FMN1: variants seen among roughly 807,000 people sequenced by gnomAD.
The protein encoded by FMN1 is formin-1.
A neutral mutation model predicts 132.4 loss-of-function variants in FMN1; 110 were observed. That is an observed-to-expected ratio of 0.83 (90% confidence interval 0.71 to 0.97). The LOEUF (loss-of-function observed/expected upper bound fraction) is 0.97, where lower values mean the gene tolerates loss of function less well. FMN1 is among the 50% of genes least tolerant of loss of function. The pLI is 0.00. For synonymous variants in FMN1, 722 were observed against 651.7 expected, an observed-to-expected ratio of 1.11 and a Z score of -1.64; for missense variants, 1,792 against 1,705.3, an observed-to-expected ratio of 1.05 and a Z score of -0.90.
chr15:32,904,479 G>A (rs1388147089), intron 12 of FMN1, among the ~76,000 whole-genome samples: 2 of 152,206 alleles, frequency 1.3e-5, no homozygotes, highest in African/African-American at 2.4e-5. Context: ...TTGGATGGGA[G>A]AGGAAATTTG....
intron 7 of FMN1, among the ~76,000 whole-genome samples, chr15:32,990,982 C>T (rs1184191993): frequency 1.3e-5 from 2 of 152,106 alleles, no homozygotes; most frequent in Non-Finnish European, 2.9e-5. Context: ...AACTGCAATT[C>T]GAGATTTGGG....
chr15:32,820,540 C>G (rs1443624032), intron 17 of FMN1, among the ~76,000 whole-genome samples: 4 of 152,136 alleles, frequency 2.6e-5, no homozygotes, highest in African/African-American at 9.7e-5. Flanking sequence ...TAGTTATCTT[C>G]TACAACTCAA....
rs527283764 is a variant in FMN1 at position 33,152,432 on chromosome 15, TA to T, written c.1867+615del. Among the ~76,000 whole-genome samples, 49 of 152,202 alleles carry T rather than the reference TA, an allele frequency of 3.2e-4. 1 individual carries two copies. In the South Asian group the frequency reaches 9.3e-3, roughly 29 times the overall value. The stretch of plus-strand genomic sequence containing the variant: ...GCTTATTTGGGAAATTTAAAAACTG[TA>T]AAAAAAGAAAACTTTGAACCAAGTT... On this transcript the variant is annotated intron_variant, in intron 4 of 20. Coordinates refer to ENST00000616417, the MANE Select transcript of FMN1 (RefSeq NM_001277313.2).
At chr15:33,170,412 T>C (rs1180813347) in intron 3 of FMN1, among the ~76,000 whole-genome samples, 9 of 152,050 alleles carry the variant, frequency 5.9e-5, no homozygotes, top group Non-Finnish European at 2.9e-5. Flanking sequence ...AATAGACAAA[T>C]GGGACTATGT....
At chr15:32,870,908 A>AT (rs1404907924) in intron 16 of FMN1, among the ~76,000 whole-genome samples, 1 of 152,248 alleles carries the variant, frequency 6.6e-6, no homozygotes. Flanking sequence ...TGAAAAAGAA[A>AT]ACATTGTCAA....
intron 9 of FMN1, among the ~76,000 whole-genome samples, chr15:32,941,274 TA>T (rs1351953984): frequency 2.6e-5 from 4 of 152,214 alleles, no homozygotes; most frequent in African/African-American, 9.7e-5. Context: ...AGAGTGTAAG[TA>T]TTTGTAAGAT....
chr15:32,941,096 A>G (rs969638497), intron 9 of FMN1, among the ~76,000 whole-genome samples: 1 of 152,196 alleles, frequency 6.6e-6, no homozygotes, highest in African/African-American at 2.4e-5. Flanking sequence ...AAGCTGCAGG[A>G]ACCAATAATA....
intron 6 of FMN1, among the ~76,000 whole-genome samples, chr15:33,040,481 CTAG>C (rs1442474122): frequency 6.6e-6 from 1 of 152,140 alleles, no homozygotes; most frequent in Non-Finnish European, 1.5e-5. Context: ...TTAGCAGAAC[CTAG>C]TAGATGCTTA....
At position 32,982,382 on chromosome 15, in the gene FMN1, C is replaced by T. The variant is rs373538686; in HGVS notation, c.2224-12905G>A. ...CATTTCTTATAAAGTTAAACACACA[C>T]TTTCCATATCAACTATCGATCCCAC... On this transcript the variant is annotated intron_variant, in intron 7 of 20. Transcript: ENST00000616417. Among the ~76,000 whole-genome samples the T allele has an allele frequency of 2.1e-3, 314 of 152,298 alleles. 1 individual carries two copies. Among genetic ancestry groups the T allele is most frequent in the African/African-American group, 7.3e-3 (304 of 41,558 alleles).
intron 7 of FMN1, among the ~76,000 whole-genome samples, chr15:32,994,942 A>G (rs2033674885): frequency 6.6e-6 from 1 of 152,158 alleles, no homozygotes; most frequent in Non-Finnish European, 1.5e-5. Flanking sequence ...ATGTGTTTAA[A>G]GCAAAAACTC....
intron 5 of FMN1, among the ~76,000 whole-genome samples, chr15:33,065,786 A>G (rs906011878): frequency 6.6e-6 from 1 of 152,212 alleles, no homozygotes; most frequent in Non-Finnish European, 1.5e-5. Context: ...TGATCGTTTA[A>G]GATCTACTGG....
chr15:32,841,247 A>G (rs549014525), intron 17 of FMN1, among the ~76,000 whole-genome samples: 111 of 152,312 alleles, frequency 7.3e-4, no homozygotes, highest in African/African-American at 2.5e-3. Context: ...ATAGAGAGAC[A>G]AAACACACAG....
intron 17 of FMN1, among the ~76,000 whole-genome samples, chr15:32,832,951 T>C (rs1423310915): frequency 6.6e-6 from 1 of 152,174 alleles, no homozygotes; most frequent in Non-Finnish European, 1.5e-5. Flanking sequence ...CAGTCTTAGA[T>C]TTGTCAATGG....
intron 4 of FMN1, among the ~76,000 whole-genome samples, chr15:33,141,381 A>C (rs2468750): frequency 0.37 from 56,851 of 152,006 alleles, 11,058 homozygotes; most frequent in East Asian, 0.66. Flanking sequence ...TTGTCCTAGC[A>C]TCATTCATCA....
Position 32,767,278 on chromosome 15 carries a change from A to G in FMN1, c.*7032T>C, listed in dbSNP as rs2056080483. ...AAGATACCAGTTATATGAAGACATAAAACTGCATGGATCAGGTGCACTTTA... is the reference window on the plus strand; with the variant it reads ...AAGATACCAGTTATATGAAGACATAGAACTGCATGGATCAGGTGCACTTTA... On this transcript the variant is annotated 3_prime_UTR_variant, in exon 21 of 21. Transcript: ENST00000616417. 1 of 152,214 alleles carries G rather than the reference A, an allele frequency of 6.6e-6. No individual in the cohort carries two copies. The allele number at this position is 152,214 out of a possible 1,614,324, so 9.4% of individuals were successfully genotyped here.
At chr15:32,961,450 A>G (rs2030539361) in intron 9 of FMN1, among the ~76,000 whole-genome samples, 1 of 152,126 alleles carries the variant, frequency 6.6e-6, no homozygotes, top group African/African-American at 2.4e-5. Flanking sequence ...CCTTTTTTAT[A>G]GAGAAGGGAA....
chr15:33,193,135 AG>A (rs1172025327), intron 2 of FMN1, among the ~76,000 whole-genome samples: 2 of 152,178 alleles, frequency 1.3e-5, no homozygotes, highest in Non-Finnish European at 2.9e-5. Context: ...ACTGTAACAC[AG>A]TTGAGAGAAA....
intron 2 of FMN1, among the ~76,000 whole-genome samples, chr15:33,189,038 G>C (rs1965984610): frequency 6.6e-6 from 1 of 152,122 alleles, no homozygotes. Context: ...AGATGGTGTG[G>C]TATCATGGAG....
intron 4 of FMN1, among the ~76,000 whole-genome samples, chr15:33,128,066 A>G (rs1396793889): frequency 2.0e-5 from 3 of 152,194 alleles, no homozygotes; most frequent in Non-Finnish European, 2.9e-5. Flanking sequence ...AGAAAGGACA[A>G]AAAAGATGGG....
Sources: gnomAD v4.1 joint callset for allele counts (sites outside exome capture counted in the v4.1 genomes callset) on GRCh38, gnomAD v4.1.1 for gene constraint, MANE v1.5 for transcripts, NCBI Gene and HGNC (gene_info 2026-07-23, HGNC 2026-07-21) for gene names.